The following ZNF385D variants were observed in gnomAD, a reference collection of about 807,000 sequenced individuals.
ZNF385D encodes zinc finger protein 659.
A neutral mutation model predicts 35.8 loss-of-function variants in ZNF385D; 15 were observed. The ratio of observed to expected loss-of-function variants is 0.42; its 90% confidence interval spans 0.28 to 0.64. ZNF385D has a LOEUF of 0.64. Ranked by LOEUF, ZNF385D falls within the 30% of genes least tolerant of loss-of-function variation. The pLI, the probability that ZNF385D is intolerant of heterozygous loss-of-function variation, is 0.23. For synonymous variants in ZNF385D, 212 were observed against 186.8 expected (o/e 1.13, Z -1.10); for missense variants, 474 against 494.6 (o/e 0.96, Z 0.39).
chr3:22,002,376 A>G (rs1055458300), intron 3 of ZNF385D, among the ~76,000 whole-genome samples: 1 of 152,142 alleles, frequency 6.6e-6, no homozygotes, highest in Non-Finnish European at 1.5e-5. Flanking sequence ...CACACAACCT[A>G]CCACAACTGA....
At chr3:22,275,584 G>A (rs1007876273) in intron 2 of ZNF385D, among the ~76,000 whole-genome samples, 1 of 151,974 alleles carries the variant, frequency 6.6e-6, no homozygotes, top group Non-Finnish European at 1.5e-5. Context: ...TAAAATCTAG[G>A]TTAATATTCT....
At chr3:22,331,426 G>T (rs971906245) in intron 2 of ZNF385D, among the ~76,000 whole-genome samples, 2 of 151,998 alleles carry the variant, frequency 1.3e-5, no homozygotes, top group Non-Finnish European at 2.9e-5. Context: ...AAAACAAAAA[G>T]AAAACTTTGA....
rs1700580418 is a variant in ZNF385D at position 21,417,668 on chromosome 3, T to C, written c.*3546A>G. 1 of 152,168 alleles carries C rather than the reference T, an allele frequency of 6.6e-6. No individual in the cohort carries two copies. Among genetic ancestry groups the C allele is most frequent in the Admixed American group, 6.5e-5 (1 of 15,278 alleles). 9.4% of individuals were successfully genotyped at this position (152,168 alleles called of 1,614,324 possible). A position where few individuals can be genotyped will look rare whatever the true frequency, so the allele number is the denominator to read the frequency against. On this transcript the variant is annotated 3_prime_UTR_variant, in exon 8 of 8. Coordinates refer to ENST00000281523, the MANE Select transcript of ZNF385D (RefSeq NM_024697.3). ...TTGGTTTGTGCCTTAGAAACTCAAA[T>C]AGGCACAGCCTCTTTGATTCTATTT...
chr3:21,821,609 T>C (rs963522664), intron 3 of ZNF385D, among the ~76,000 whole-genome samples: 2 of 152,130 alleles, frequency 1.3e-5, no homozygotes, highest in African/African-American at 2.4e-5. Flanking sequence ...GCAAAGATAT[T>C]TGACTTCATT....
At chr3:22,091,600 G>T (rs569866281) in intron 3 of ZNF385D, among the ~76,000 whole-genome samples, 8 of 144,200 alleles carry the variant, frequency 5.5e-5, no homozygotes, top group African/African-American at 2.1e-4. Context: ...GAAAAAAAAA[G>T]CCCTCTAGGT....
At chr3:21,675,925 C>A (rs1392120603) in intron 1 of ZNF385D, among the ~76,000 whole-genome samples, 3 of 152,046 alleles carry the variant, frequency 2.0e-5, no homozygotes, top group African/African-American at 7.2e-5. Context: ...TTCAACGTAA[C>A]TAATTCTACT....
At chr3:22,255,352 A>T (rs1259312133) in intron 2 of ZNF385D, among the ~76,000 whole-genome samples, 1 of 151,734 alleles carries the variant, frequency 6.6e-6, no homozygotes, top group East Asian at 1.9e-4. Flanking sequence ...AATAATGAAC[A>T]GACAAATATA....
At chr3:21,780,641 G>A (rs2071454014) in intron 3 of ZNF385D, among the ~76,000 whole-genome samples, 1 of 152,042 alleles carries the variant, frequency 6.6e-6, no homozygotes, top group Admixed American at 6.6e-5. Flanking sequence ...TGCTACTAAA[G>A]CATGAAGTAT....
chr3:22,083,116 T>C (rs1700843087), intron 3 of ZNF385D, among the ~76,000 whole-genome samples: 1 of 152,148 alleles, frequency 6.6e-6, no homozygotes, highest in Admixed American at 6.5e-5. Flanking sequence ...ACCACGAAGA[T>C]GGGGAGAAAC....
intron 2 of ZNF385D, among the ~76,000 whole-genome samples, chr3:21,585,615 G>A (rs2063786847): frequency 6.6e-6 from 1 of 152,136 alleles, no homozygotes; most frequent in Non-Finnish European, 1.5e-5. Context: ...GCACCTCCAG[G>A]ATAGTGATGT....
chr3:22,231,423 C>A (rs1698882415), intron 2 of ZNF385D, among the ~76,000 whole-genome samples: 2 of 152,164 alleles, frequency 1.3e-5, no homozygotes, highest in African/African-American at 4.8e-5. Flanking sequence ...CCCCAAGGAG[C>A]TGCCTCGCTC....
intron 3 of ZNF385D, among the ~76,000 whole-genome samples, chr3:21,898,121 C>T (rs979236074): frequency 6.6e-6 from 1 of 152,084 alleles, no homozygotes; most frequent in Admixed American, 6.6e-5. Flanking sequence ...CTTTCCATCC[C>T]TCTAGCATTT....
At chr3:21,669,821 C>T (rs1279645996) in intron 1 of ZNF385D, among the ~76,000 whole-genome samples, 1 of 152,086 alleles carries the variant, frequency 6.6e-6, no homozygotes, top group Non-Finnish European at 1.5e-5. Context: ...ATTTTTTTCT[C>T]TTCGCTTATC....
chr3:21,876,630 C>T (rs1221542127), intron 3 of ZNF385D, among the ~76,000 whole-genome samples: 1 of 151,702 alleles, frequency 6.6e-6, no homozygotes, highest in Non-Finnish European at 1.5e-5. Context: ...AACAGAACAG[C>T]TTTTCCATAA....
At chr3:21,942,130 T>A (rs888556341) in intron 3 of ZNF385D, among the ~76,000 whole-genome samples, 3 of 152,228 alleles carry the variant, frequency 2.0e-5, no homozygotes, top group African/African-American at 4.8e-5. Flanking sequence ...TTATGTCAAG[T>A]AACTGATAAG....
At chr3:22,077,989 T>C (rs999607231) in intron 3 of ZNF385D, among the ~76,000 whole-genome samples, 2 of 151,810 alleles carry the variant, frequency 1.3e-5, no homozygotes, top group Non-Finnish European at 2.9e-5. Context: ...AAGACAAAAA[T>C]TGGGTTGGCC....
intron 3 of ZNF385D, among the ~76,000 whole-genome samples, chr3:22,020,605 T>C (rs1262855739): frequency 6.6e-6 from 1 of 152,022 alleles, no homozygotes; most frequent in East Asian, 1.9e-4. Flanking sequence ...GTAAGGCTAT[T>C]ATTAAAAAGT....
chr3:22,033,067 C>G (rs1019311128), intron 3 of ZNF385D, among the ~76,000 whole-genome samples: 5 of 152,048 alleles, frequency 3.3e-5, no homozygotes, highest in Non-Finnish European at 7.4e-5. Flanking sequence ...AATTTCTGCC[C>G]AAGACATTTT....
intron 1 of ZNF385D, among the ~76,000 whole-genome samples, chr3:21,692,421 T>C (rs1284496380): frequency 7.9e-5 from 12 of 152,208 alleles, no homozygotes; most frequent in Non-Finnish European, 2.9e-5. Flanking sequence ...CACAGTTTTC[T>C]AAAATCATGC....
Sources: gnomAD v4.1 joint callset for allele counts (sites outside exome capture counted in the v4.1 genomes callset) on GRCh38, gnomAD v4.1.1 for gene constraint, MANE v1.5 for transcripts, NCBI Gene and HGNC (gene_info 2026-07-23, HGNC 2026-07-21) for gene names.